The following SYNPR variants were observed in gnomAD, a reference collection of about 807,000 sequenced individuals.
SYNPR encodes synaptoporin.
A neutral mutation model predicts 32.9 loss-of-function variants in SYNPR; 23 were observed. The ratio of observed to expected loss-of-function variants is 0.70; its 90% CI spans 0.50 to 0.99. The LOEUF is 0.99. Ranked by LOEUF, SYNPR falls within the 50% of genes least tolerant of loss-of-function variation. The pLI, the probability that SYNPR is intolerant of heterozygous loss-of-function variation, is 0.00. For missense variants in SYNPR, 318 were observed against 349.3 expected (o/e 0.91, Z 0.71); for synonymous variants, 146 against 135.9 (o/e 1.07, Z -0.52).
intron 2 of SYNPR, among the ~76,000 whole-genome samples, chr3:63,313,058 A>G (rs897509925): frequency 5.9e-5 from 9 of 152,104 alleles, no homozygotes; most frequent in African/African-American, 2.2e-4. Context: ...CAGCAACTTC[A>G]TAAGGGCAGA....
intron 4 of SYNPR, among the ~76,000 whole-genome samples, chr3:63,565,519 A>G (rs1479776804): frequency 2.0e-5 from 3 of 152,170 alleles, no homozygotes; most frequent in Non-Finnish European, 2.9e-5. Flanking sequence ...CCTCTTTTAA[A>G]AAGGCCTTAA....
chr3:63,412,954 C>G (rs2088487062), intron 2 of SYNPR, among the ~76,000 whole-genome samples: 1 of 152,144 alleles, frequency 6.6e-6, no homozygotes. Flanking sequence ...AAATTCGGAA[C>G]CTGCTATTGC....
At chr3:63,206,887 T>C in the SYNPR span, among the ~76,000 whole-genome samples, 2 of 152,142 alleles carry the variant, frequency 1.3e-5, no homozygotes, top group African/African-American at 2.4e-5. Context: ...ATTAGGGTTA[T>C]GAGAATCTGG....
At chr3:63,285,919 G>T (rs2086675949) in intron 2 of SYNPR, among the ~76,000 whole-genome samples, 1 of 152,158 alleles carries the variant, frequency 6.6e-6, no homozygotes, top group African/African-American at 2.4e-5. Context: ...CTCAATAAAA[G>T]ATTATGAAGG....
chr3:63,376,972 T>C (rs192159813), intron 2 of SYNPR, among the ~76,000 whole-genome samples: 2 of 152,122 alleles, frequency 1.3e-5, no homozygotes, highest in East Asian at 3.9e-4. Flanking sequence ...AACATTGTAT[T>C]TTTATTGCAG....
intron 4 of SYNPR, among the ~76,000 whole-genome samples, chr3:63,567,442 C>T (rs1280354073): frequency 6.6e-6 from 1 of 152,126 alleles, no homozygotes; most frequent in African/African-American, 2.4e-5. Flanking sequence ...GTGAGATCTT[C>T]CCCTCCCCAT....
At chr3:63,339,965 T>C (rs12488438) in intron 2 of SYNPR, among the ~76,000 whole-genome samples, 32,159 of 152,132 alleles carry the variant, frequency 0.21, 3,879 homozygotes, top group South Asian at 0.39. Flanking sequence ...CCTACCTTTT[T>C]ATAACCACAC....
intron 2 of SYNPR, among the ~76,000 whole-genome samples, chr3:63,366,212 C>A (rs2087728176): frequency 6.6e-6 from 1 of 152,126 alleles, no homozygotes; most frequent in Non-Finnish European, 1.5e-5. Context: ...GAATCTAAAT[C>A]TTTACAAGAC....
chr3:63,338,171 A>C (rs142944183), intron 2 of SYNPR, among the ~76,000 whole-genome samples: 161 of 152,300 alleles, frequency 1.1e-3, no homozygotes, highest in African/African-American at 3.8e-3. Flanking sequence ...TGTAAGTCTA[A>C]AACTGCTCTA....
At chr3:63,478,326 A>T (rs1486097051) in intron 2 of SYNPR, among the ~76,000 whole-genome samples, 1 of 152,220 alleles carries the variant, frequency 6.6e-6, no homozygotes, top group Admixed American at 6.5e-5. Flanking sequence ...ACTGAAATGG[A>T]CAAGATTTGT....
intron 2 of SYNPR, among the ~76,000 whole-genome samples, chr3:63,346,938 T>A (rs2087445038): frequency 6.6e-6 from 1 of 152,252 alleles, no homozygotes. Flanking sequence ...ATAAGATTAT[T>A]TCCTTTTATT....
intron 2 of SYNPR, among the ~76,000 whole-genome samples, chr3:63,279,564 T>C (rs1006142761): frequency 1.3e-5 from 2 of 152,218 alleles, no homozygotes; most frequent in Admixed American, 6.5e-5. Flanking sequence ...GTTGGCTGGA[T>C]GATGGTTATT....
At chr3:63,265,368 C>T (rs1480429581) in intron 2 of SYNPR, among the ~76,000 whole-genome samples, 3 of 150,394 alleles carry the variant, frequency 2.0e-5, no homozygotes, top group Non-Finnish European at 4.4e-5. Flanking sequence ...TCTTCTGCCT[C>T]AGCCTCCCGA....
rs76151508 is a variant in SYNPR at position 63,432,844 on chromosome 3, A to G, written c.85-47988A>G. Among the ~76,000 whole-genome samples the G allele has an allele frequency of 7.2e-3, 1,099 of 152,300 alleles. 19 individuals carry two copies. Among genetic ancestry groups the G allele is most frequent in the African/African-American group, 0.025 (1,051 of 41,552 alleles). ...TGGTGGCCTTCTTCATGATCATTCA[A>G]TGTAATCACTAGCTTCATGTGCTGT... On this transcript the variant is annotated intron_variant, in intron 2 of 5. Coordinates refer to ENST00000478300, the MANE Select transcript of SYNPR (RefSeq NM_001130003.2).
At chr3:63,535,441 A>G (rs997585952) in intron 3 of SYNPR, among the ~76,000 whole-genome samples, 1 of 151,874 alleles carries the variant, frequency 6.6e-6, no homozygotes, top group African/African-American at 2.4e-5. Context: ...CATACAGAAG[A>G]AAAAAGAACT....
rs185537878 is a variant in SYNPR at position 63,291,613 on chromosome 3, A to G, written c.84+12871A>G. On this transcript the variant is annotated intron_variant, in intron 2 of 5. Transcript: ENST00000478300. Reference sequence around the variant, plus strand: ...GTCAGATTCATGGATTCTATTTTGAAGCAGTTGAAAGCAAAGCATGATTAT... The same window carrying G: ...GTCAGATTCATGGATTCTATTTTGAGGCAGTTGAAAGCAAAGCATGATTAT... Among the ~76,000 whole-genome samples the G allele has an allele frequency of 2.3e-3, 343 of 152,286 alleles. 2 individuals are homozygous for G. The highest frequency in any genetic ancestry group is 6.8e-3 in the Middle Eastern group (2 of 294).
At chr3:63,409,502 A>T (rs2088433524) in intron 2 of SYNPR, among the ~76,000 whole-genome samples, 1 of 152,118 alleles carries the variant, frequency 6.6e-6, no homozygotes, top group South Asian at 2.1e-4. Context: ...CTCTTGGCTG[A>T]CATTAATCCT....
Position 63,418,856 on chromosome 3 carries a change from C to G in SYNPR, c.85-61976C>G, listed in dbSNP as rs540795708. ...GTGGGGACCCAGCTGAATCATATCACTCAGTCTTTCCACCTTTTAATCTGG... is the reference window on the plus strand; with the variant it reads ...GTGGGGACCCAGCTGAATCATATCAGTCAGTCTTTCCACCTTTTAATCTGG... On this transcript the variant is annotated intron_variant, in intron 2 of 5. Transcript: ENST00000478300. 2.0e-4 allele frequency among the ~76,000 whole-genome samples: 31 copies of G among 152,304 alleles called. 1 individual carries two copies. The South Asian group carries it at 4.1e-3, about 20-fold the overall frequency.
chr3:63,595,592 A>G (rs1468444656), intron 4 of SYNPR, among the ~76,000 whole-genome samples: 3 of 150,062 alleles, frequency 2.0e-5, no homozygotes, highest in Non-Finnish European at 4.4e-5. Context: ...CATAAAATAC[A>G]AACAGTAGTA....
Sources: gnomAD v4.1 joint callset for allele counts (sites outside exome capture counted in the v4.1 genomes callset) on GRCh38, gnomAD v4.1.1 for gene constraint, MANE v1.5 for transcripts, NCBI Gene and HGNC (gene_info 2026-07-23, HGNC 2026-07-21) for gene names.